Variants in PHTF1 observed in about 807,000 individuals in gnomAD.
The protein encoded by PHTF1 is protein PHTF1.
In PHTF1, 88 loss-of-function variants were observed where a neutral mutation model predicts 102.4. That is an observed-to-expected ratio of 0.86 (90% CI 0.72 to 1.03). The LOEUF (loss-of-function observed/expected upper bound fraction) is 1.03, where lower values mean the gene tolerates loss of function less well. Among genes scored for constraint, PHTF1 ranks in the 50% least tolerant of loss-of-function variants. The probability of loss-of-function intolerance (pLI) is 0.00; values close to 1 mark genes in which losing one functional copy is unlikely to be tolerated. For synonymous variants in PHTF1, 289 were observed against 305.2 expected (o/e 0.95, Z 0.55); for missense variants, 814 against 909.5 (o/e 0.89, Z 1.35).
At chr1:113,752,385 A>ATTTTTTTTTTTTTTT (rs774522219) in intron 3 of PHTF1, among the ~76,000 whole-genome samples, 1 of 47,840 alleles carries the variant, frequency 2.1e-5, no homozygotes, top group African/African-American at 9.8e-5. Flanking sequence ...TGTTACTGTA[A>ATTTTTTTTTTTTTTT]TTTTTTTTTT....
rs772170794 is a variant in PHTF1 at position 113,704,185 on chromosome 1, T to G, written c.1804-18A>C. 3 of 1,561,934 alleles carry G rather than the reference T, an allele frequency of 1.9e-6. No individual in the cohort carries two copies. The highest frequency in any genetic ancestry group is 2.6e-6 in the Non-Finnish European group (3 of 1,136,790). On this transcript the variant is annotated intron_variant, in intron 14 of 18. Transcript: ENST00000369604. The stretch of plus-strand genomic sequence containing the variant: ...CCCCGTCTCTGTGGAGTGAGACACA[T>G]GTGTTAATGTTTTAGTTACTGGCAG...
chr1:113,722,781 G>C (rs1311674676), intron 7 of PHTF1, among the ~76,000 whole-genome samples: 1 of 151,016 alleles, frequency 6.6e-6, no homozygotes, highest in South Asian at 2.1e-4. Context: ...AAATTAGCCA[G>C]GCGTGGTGGC....
chr1:113,725,451 G>T (rs1312005444), intron 6 of PHTF1: 1 of 152,148 alleles, frequency 6.6e-6, no homozygotes, highest in East Asian at 1.9e-4. Context: ...ATAAGAATAT[G>T]TTGAAATTCA....
rs762430191 is a variant in PHTF1, at chr1:113,758,645, T to A, written c.45+14A>T. On this transcript the variant is annotated intron_variant, in intron 2 of 18. Coordinates refer to ENST00000369604, the MANE Select transcript of PHTF1 (RefSeq NM_001323043.2). ...GAATGCTTTACAAATAAAAAAAATATATATATGTATTACCTTCTTTTGGTA... is the reference window on the plus strand; with the variant it reads ...GAATGCTTTACAAATAAAAAAAATAAATATATGTATTACCTTCTTTTGGTA... The A allele has an allele frequency of 2.0e-6, 3 of 1,466,680 alleles. No homozygotes were observed. The highest frequency in any genetic ancestry group is 2.8e-5 in the African/African-American group (2 of 70,638). 90.9% of individuals were successfully genotyped at this position (1,466,680 alleles called of 1,614,324 possible).
intron 3 of PHTF1, among the ~76,000 whole-genome samples, chr1:113,742,594 C>G (rs969567547): frequency 2.0e-5 from 3 of 151,908 alleles, no homozygotes; most frequent in Admixed American, 2.0e-4. Context: ...GCACTCCAGC[C>G]TAGGCGACAA....
intron 3 of PHTF1, among the ~76,000 whole-genome samples, chr1:113,744,949 G>A (rs1029189894): frequency 8.2e-6 from 1 of 122,588 alleles, no homozygotes; most frequent in Non-Finnish European, 1.6e-5. Context: ...ACTCTGTCTC[G>A]AAAGAAGGGA....
intron 3 of PHTF1, among the ~76,000 whole-genome samples, chr1:113,756,004 T>A (rs1388566667): frequency 6.9e-6 from 1 of 144,618 alleles, no homozygotes; most frequent in East Asian, 2.0e-4. Flanking sequence ...GAGGCGGAGC[T>A]GGCAGTGAGC....
intron 5 of PHTF1, among the ~76,000 whole-genome samples, chr1:113,733,466 A>G (rs140030474): frequency 2.9e-4 from 44 of 152,332 alleles, no homozygotes; most frequent in African/African-American, 9.9e-4. Flanking sequence ...CAATATGGGA[A>G]GATGCTATAA....
intron 7 of PHTF1, among the ~76,000 whole-genome samples, chr1:113,721,730 C>T (rs1446183689): frequency 6.6e-6 from 1 of 152,106 alleles, no homozygotes; most frequent in African/African-American, 2.4e-5. Flanking sequence ...TGCTCTGTCG[C>T]CCAGGCTGGA....
rs186311498 is a variant in PHTF1 at position 113,697,859 on chromosome 1, T to C, written c.2269-134A>G. The C allele has an allele frequency of 4.5e-5, 29 of 641,698 alleles. No homozygotes were observed. In the East Asian group the frequency reaches 7.4e-4, roughly 16 times the overall value. 39.8% of individuals were successfully genotyped at this position (641,698 alleles called of 1,614,324 possible). On this transcript the variant is annotated intron_variant, in intron 18 of 18. Coordinates refer to ENST00000369604, the MANE Select transcript of PHTF1 (RefSeq NM_001323043.2). ...GTATCAAGTCTGGCAATAGCAACCA[T>C]AGAACATCATAGAGAAAAAACATTT...
chr1:113,739,439 T>G (rs1332062141), intron 3 of PHTF1, among the ~76,000 whole-genome samples: 1 of 152,222 alleles, frequency 6.6e-6, no homozygotes, highest in Non-Finnish European at 1.5e-5. Flanking sequence ...CTTCCATCTT[T>G]TTTTTGCTTC....
chr1:113,722,603 A>T (rs1653133493), intron 7 of PHTF1, among the ~76,000 whole-genome samples: 1 of 152,014 alleles, frequency 6.6e-6, no homozygotes, highest in Non-Finnish European at 1.5e-5. Context: ...AAAAATAGAA[A>T]AAACAATCCT....
chr1:113,735,295 G>A (rs1270916989), intron 5 of PHTF1, among the ~76,000 whole-genome samples: 1 of 144,114 alleles, frequency 6.9e-6, no homozygotes, highest in Non-Finnish European at 1.5e-5. Context: ...GAACCTGGGA[G>A]GCAGAGGTTG....
intron 7 of PHTF1, chr1:113,713,708 G>C: frequency 3.0e-6 from 1 of 336,952 alleles, no homozygotes; most frequent in South Asian, 3.2e-5. Context: ...TAGGTTCACA[G>C]TCCTCTCCAC....
chr1:113,744,056 A>C (rs1205917260), intron 3 of PHTF1, among the ~76,000 whole-genome samples: 1 of 152,250 alleles, frequency 6.6e-6, no homozygotes, highest in Non-Finnish European at 1.5e-5. Context: ...TTCAATGGGC[A>C]TTATGAGTGG....
intron 10 of PHTF1, among the ~76,000 whole-genome samples, chr1:113,711,000 C>G (rs761555313): frequency 5.3e-5 from 8 of 151,894 alleles, no homozygotes; most frequent in Non-Finnish European, 1.2e-4. Flanking sequence ...GCAAGCAGTA[C>G]TCCCTCTAAG....
At chr1:113,731,890 C>T (rs1168772248) in intron 5 of PHTF1, among the ~76,000 whole-genome samples, 3 of 144,292 alleles carry the variant, frequency 2.1e-5, no homozygotes, top group African/African-American at 5.2e-5. Flanking sequence ...GAGCAAGACG[C>T]CGTCTCAATT....
chr1:113,721,622 CA>C (rs1037548969), intron 7 of PHTF1, among the ~76,000 whole-genome samples: 6 of 152,078 alleles, frequency 3.9e-5, no homozygotes, highest in Admixed American at 1.3e-4. Context: ...CAGATTCCAC[CA>C]AAAAACTATC....
intron 17 of PHTF1, among the ~76,000 whole-genome samples, chr1:113,698,607 TTATATATA>T (rs150694931): frequency 8.2e-6 from 1 of 122,270 alleles, no homozygotes; most frequent in East Asian, 2.4e-4. Context: ...ATTTGTAGTT[TTATATATA>T]TATATACACA....
Sources: allele counts gnomAD v4.1 joint callset (sites outside exome capture counted in the v4.1 genomes callset), GRCh38; gene constraint gnomAD v4.1.1; transcripts MANE v1.5; gene names NCBI Gene and HGNC (gene_info 2026-07-23, HGNC 2026-07-21).